The following SFXN5 variants were observed in gnomAD, a reference collection of about 807,000 sequenced individuals.
The protein encoded by SFXN5 is sideroflexin-5.
A neutral mutation model predicts 50.2 loss-of-function variants in SFXN5; 43 were observed. That is an observed-to-expected ratio of 0.86 (90% CI 0.67 to 1.11). SFXN5 has a LOEUF of 1.11. SFXN5 is among the 50% of genes least tolerant of loss of function. The pLI, the probability that SFXN5 is intolerant of heterozygous loss-of-function variation, is 0.00. For missense variants in SFXN5, 463 were observed against 454.1 expected (o/e 1.02, Z -0.18); for synonymous variants, 203 against 185.8 (o/e 1.09, Z -0.75).
Position 72,986,497 on chromosome 2 carries a change from G to T in SFXN5, c.625+1761C>A, listed in dbSNP as rs116653615. On this transcript the variant is annotated intron_variant, in intron 10 of 13. Coordinates refer to ENST00000272433, the MANE Select transcript of SFXN5 (RefSeq NM_144579.3). The stretch of plus-strand genomic sequence containing the variant: ...GACCATGAGCCTGGGTCTGACTCCA[G>T]CTCTTCAGATGGTGCCTTGGTACCA... Among the ~76,000 whole-genome samples, 1,139 of 152,218 alleles carry T rather than the reference G, an allele frequency of 7.5e-3. 12 individuals carry two copies. Among genetic ancestry groups the T allele is most frequent in the African/African-American group, 0.025 (1,020 of 41,520 alleles).
rs182624697 is a variant in SFXN5 at position 73,050,604 on chromosome 2, C to T, written c.171+7924G>A. Among the ~76,000 whole-genome samples, 360 of 152,318 alleles carry T rather than the reference C, an allele frequency of 2.4e-3. 2 individuals carry two copies. The highest frequency in any genetic ancestry group is 3.4e-3 in the Middle Eastern group (1 of 294). On this transcript the variant is annotated intron_variant, in intron 2 of 13. Transcript: ENST00000272433. ...CCTGAAGTCCCACAGACACTCTACA[C>T]GCCACCCTTAGAAACTTCTGCCCCT... is the stretch of plus-strand genomic sequence containing the variant.
intron 13 of SFXN5, among the ~76,000 whole-genome samples, chr2:72,958,021 T>G (rs1227333269): frequency 6.6e-6 from 1 of 152,214 alleles, no homozygotes; most frequent in Admixed American, 6.5e-5. Context: ...AGTAGGCATG[T>G]GGGGAGAGGG....
chr2:73,041,000 G>A, intron 2 of SFXN5, 69 bp from the exon 3 acceptor site: 1 of 1,333,614 alleles, frequency 7.5e-7, no homozygotes, highest in Middle Eastern at 1.9e-4. Context: ...TCTTTTGTGG[G>A]ATTACATCAG....
chr2:72,989,678 C>T (rs1281318933), intron 9 of SFXN5, among the ~76,000 whole-genome samples: 4 of 151,950 alleles, frequency 2.6e-5, no homozygotes, highest in Non-Finnish European at 5.9e-5. Context: ...TGGGGCTTTG[C>T]GGAGGAGAGA....
chr2:72,982,892 C>T (rs929563785), intron 10 of SFXN5, among the ~76,000 whole-genome samples: 2 of 152,182 alleles, frequency 1.3e-5, no homozygotes, highest in Non-Finnish European at 2.9e-5. Context: ...GAGGCAAGAG[C>T]AGGCCAGGTC....
At chr2:73,061,208 T>G (rs1003442480) in intron 1 of SFXN5, among the ~76,000 whole-genome samples, 2 of 150,230 alleles carry the variant, frequency 1.3e-5, no homozygotes, top group Non-Finnish European at 2.9e-5. Flanking sequence ...CTTGGGAGGC[T>G]GAAGCAGGAG....
At chr2:73,014,396 G>C (rs557980014) in intron 6 of SFXN5, among the ~76,000 whole-genome samples, 1 of 152,144 alleles carries the variant, frequency 6.6e-6, no homozygotes, top group East Asian at 1.9e-4. Context: ...ATGTCTCCAG[G>C]TTCTCTGTTC....
At chr2:72,984,482 C>T (rs1346660097) in intron 10 of SFXN5, among the ~76,000 whole-genome samples, 1 of 152,262 alleles carries the variant, frequency 6.6e-6, no homozygotes, top group Non-Finnish European at 1.5e-5. Flanking sequence ...GGTTATCTCA[C>T]AGGGCTTGAA....
intron 5 of SFXN5, among the ~76,000 whole-genome samples, chr2:73,021,205 C>T (rs1358134790): frequency 6.6e-6 from 1 of 152,298 alleles, no homozygotes; most frequent in Non-Finnish European, 1.5e-5. Context: ...TCTACAACCA[C>T]AACTGTAAGA....
chr2:72,958,370 C>A (rs1208416366), intron 13 of SFXN5, among the ~76,000 whole-genome samples: 2 of 152,204 alleles, frequency 1.3e-5, no homozygotes, highest in Non-Finnish European at 2.9e-5. Context: ...CTATCGGCAC[C>A]TGACTTCTGC....
intron 13 of SFXN5, among the ~76,000 whole-genome samples, chr2:72,954,018 G>C (rs1386237415): frequency 6.6e-6 from 1 of 152,126 alleles, no homozygotes; most frequent in South Asian, 2.1e-4. Context: ...GCTGTAAGTG[G>C]GGAGGCAGGA....
rs183630394 is a variant in SFXN5, at chr2:73,042,141, G to A, written c.172-1210C>T. 3.3e-4 allele frequency among the ~76,000 whole-genome samples: 51 copies of A among 152,246 alleles called. 1 individual carries two copies. The East Asian group carries it at 6.0e-3, about 18-fold the overall frequency. Reference sequence around the variant, plus strand: ...AGGATAAAACCGTATGATTTTTTAAGTCTAAAAGCTAAAGAGACAGCAACA... The same window carrying A: ...AGGATAAAACCGTATGATTTTTTAAATCTAAAAGCTAAAGAGACAGCAACA... On this transcript the variant is annotated intron_variant, in intron 2 of 13. Transcript: ENST00000272433.
At chr2:73,070,760 C>G (rs545455481) in intron 1 of SFXN5, 2 of 152,440 alleles carry the variant, frequency 1.3e-5, no homozygotes, top group African/African-American at 4.8e-5. Flanking sequence ...CCCCTGTCGC[C>G]GTGCCCCGAA....
In SFXN5 at chr2:72,988,340, A is replaced by G. The variant is rs1321806530; in HGVS notation, c.543T>C (p.Leu181=). ...TGTTGGCTTTCTGAACCAGGACATT[A>G]AGGCCCACCTTTGAAAGAAAAAAAT... is the stretch of plus-strand genomic sequence containing the variant. ...VISAVSIAVG[L]NVLVQKANKF... The change falls in exon 10 of 14, where the codon CTT becomes CTC. Residue 181 remains leucine (L), a synonymous_variant. Coordinates refer to ENST00000272433, the MANE Select transcript of SFXN5 (RefSeq NM_144579.3). 3 of 1,613,640 alleles carry G rather than the reference A, an allele frequency of 1.9e-6. No individual in the cohort carries two copies. The highest frequency in any genetic ancestry group is 2.5e-6 in the Non-Finnish European group (3 of 1,179,788).
intron 1 of SFXN5, among the ~76,000 whole-genome samples, chr2:73,064,947 T>C (rs1559223244): frequency 6.6e-6 from 1 of 152,106 alleles, no homozygotes. Flanking sequence ...TCACCACACC[T>C]GGATAATTTT....
chr2:73,051,237 C>G (rs1370969131), intron 2 of SFXN5, among the ~76,000 whole-genome samples: 1 of 146,814 alleles, frequency 6.8e-6, no homozygotes, highest in Non-Finnish European at 1.5e-5. Context: ...CTGTTCATGG[C>G]AATGAGACTT....
intron 11 of SFXN5, among the ~76,000 whole-genome samples, chr2:72,970,908 G>A (rs1446060792): frequency 1.3e-5 from 2 of 152,004 alleles, no homozygotes; most frequent in African/African-American, 4.8e-5. Flanking sequence ...GGCTGGTCTC[G>A]AACTCCTGAA....
chr2:72,988,290 A>G lies in SFXN5; in HGVS notation c.593T>C (p.Leu198Pro). 6.2e-7 allele frequency: 1 copy of G among 1,613,928 alleles called. No homozygotes were observed. Among genetic ancestry groups the G allele is most frequent in the Non-Finnish European group, 8.5e-7 (1 of 1,179,848 alleles). ...AGGGAACGGCACAAACCTCTGGATG[A>G]GAAGGCGGGTGGCTGGGGTGAACTT... ...ANKFTPATRLLIQRFVPFPAV... is the reference protein window; with the variant it reads ...ANKFTPATRLPIQRFVPFPAV... The change falls in exon 10 of 14, where the codon CTC becomes CCC. Residue 198 changes from leucine (L) to proline (P), a missense_variant. Coordinates refer to ENST00000272433, the MANE Select transcript of SFXN5 (RefSeq NM_144579.3).
Position 72,961,326 on chromosome 2 carries a change from ACT to A in SFXN5, c.828-80_828-79del. The A allele has an allele frequency of 1.0e-6, 1 of 972,076 alleles. No individual in the cohort carries two copies. The highest frequency in any genetic ancestry group is 1.5e-6 in the Non-Finnish European group (1 of 679,634). 60.2% of individuals were successfully genotyped at this position (972,076 alleles called of 1,614,324 possible). On this transcript the variant is annotated intron_variant, in intron 12 of 13. Coordinates refer to ENST00000272433, the MANE Select transcript of SFXN5 (RefSeq NM_144579.3). This position sits in a 1 kb window ranked among gnomAD's most constrained non-coding sequence, Gnocchi z 4.4. ...GCTGCCAGCCACCATGCTGGGTCCC[ACT>A]CTGTCTCTGGGCCCAGGAAGCGTGG... is the stretch of plus-strand genomic sequence containing the variant.
Sources: allele counts gnomAD v4.1 joint callset (sites outside exome capture counted in the v4.1 genomes callset), GRCh38; gene constraint gnomAD v4.1.1; non-coding constraint Gnocchi (gnomAD v3.1); transcripts MANE v1.5; gene names NCBI Gene and HGNC (gene_info 2026-07-23, HGNC 2026-07-21).